Variants in MIPEP observed in about 807,000 individuals in gnomAD.
MIPEP encodes the protein mitochondrial intermediate peptidase.
In MIPEP, 79 loss-of-function variants were observed where a neutral mutation model predicts 90.3. That is an observed-to-expected ratio of 0.87 (90% CI 0.73 to 1.05). The LOEUF (loss-of-function observed/expected upper bound fraction) is 1.05. Among genes scored for constraint, MIPEP ranks in the 50% least tolerant of loss-of-function variants. MIPEP has a pLI of 0.00. For missense variants in MIPEP, 940 were observed against 905.6 expected (o/e 1.04, Z -0.49); for synonymous variants, 334 against 315.8 (o/e 1.06, Z -0.61).
Position 23,783,136 on chromosome 13 carries a change from G to T in MIPEP, c.1848+22814C>A, listed in dbSNP as rs372675129. Among the ~76,000 whole-genome samples the T allele has an allele frequency of 4.9e-4, 74 of 152,118 alleles. 1 individual carries two copies. Among genetic ancestry groups the T allele is most frequent in the African/African-American group, 1.4e-3 (57 of 41,484 alleles). ...CCAGCATCATCCTGATACCAAAGCC[G>T]GGCAGAGACACAACCGAAAAAGAGA... On this transcript the variant is annotated intron_variant, in intron 16 of 18. Transcript: ENST00000382172.
At chr13:23,802,330 T>G (rs1249648372) in intron 16 of MIPEP, among the ~76,000 whole-genome samples, 1 of 152,164 alleles carries the variant, frequency 6.6e-6, no homozygotes, top group African/African-American at 2.4e-5. Flanking sequence ...ATCCTAGCAC[T>G]TTGGGAGGTG....
chr13:23,883,521 C>A (rs1039430651), intron 2 of MIPEP, among the ~76,000 whole-genome samples: 2 of 152,112 alleles, frequency 1.3e-5, no homozygotes, highest in Non-Finnish European at 2.9e-5. Context: ...TTGCATATAA[C>A]CGACACACAG....
In MIPEP at chr13:23,889,254, C is replaced by G; in HGVS notation, c.67G>C (p.Gly23Arg). The change falls in exon 1 of 19, where the codon GGC becomes CGC. Residue 23 changes from glycine (G) to arginine (R), a missense_variant. Coordinates refer to ENST00000382172, the MANE Select transcript of MIPEP (RefSeq NM_005932.4). Reference sequence around the variant, plus strand: ...ATCCCGGCTTCGAGGCTTCCCCGGCCCGCCCGGCGGGGCGGCAGAGCTGCT... The same window carrying G: ...ATCCCGGCTTCGAGGCTTCCCCGGCGCGCCCGGCGGGGCGGCAGAGCTGCT... ...RAAALPPRRA[G>R]RGSLEAGIRA... The G allele has an allele frequency of 7.2e-7, 1 of 1,391,818 alleles. No homozygotes were observed. The allele number at this position is 1,391,818 out of a possible 1,614,324, so 86.2% of individuals were successfully genotyped here.
At chr13:23,849,947 C>T (rs1326196850) in intron 10 of MIPEP, among the ~76,000 whole-genome samples, 2 of 152,212 alleles carry the variant, frequency 1.3e-5, no homozygotes, top group African/African-American at 2.4e-5. Context: ...AAAACACAAT[C>T]AAGTACAGTC....
chr13:23,764,118 G>A (rs1268451740), intron 16 of MIPEP, among the ~76,000 whole-genome samples: 5 of 152,180 alleles, frequency 3.3e-5, no homozygotes, highest in African/African-American at 7.2e-5. Context: ...GATATTTAAC[G>A]TGTGGATCTG....
At chr13:23,841,795 T>C (rs1869310222) in intron 10 of MIPEP, among the ~76,000 whole-genome samples, 1 of 152,164 alleles carries the variant, frequency 6.6e-6, no homozygotes, top group African/African-American at 2.4e-5. Context: ...ACTGTATACA[T>C]TCCTTATACA....
At chr13:23,818,363 A>G (rs935147889) in intron 14 of MIPEP, among the ~76,000 whole-genome samples, 2 of 152,100 alleles carry the variant, frequency 1.3e-5, no homozygotes, top group Non-Finnish European at 2.9e-5. Context: ...GAGGTAGAGG[A>G]TGCAGTGTGA....
chr13:23,738,588 T>C (rs1446357513), intron 18 of MIPEP, among the ~76,000 whole-genome samples: 3 of 151,648 alleles, frequency 2.0e-5, no homozygotes, highest in African/African-American at 7.3e-5. Context: ...GCTGGGACTA[T>C]AGGAATGCAC....
At chr13:23,806,539 G>T (rs909533119) in intron 15 of MIPEP, among the ~76,000 whole-genome samples, 2 of 151,976 alleles carry the variant, frequency 1.3e-5, no homozygotes, top group East Asian at 1.9e-4. Context: ...TTAGACAGGC[G>T]TGGTGGCAGG....
At chr13:23,794,237 C>A (rs1236857455) in intron 16 of MIPEP, among the ~76,000 whole-genome samples, 1 of 152,140 alleles carries the variant, frequency 6.6e-6, no homozygotes, top group Non-Finnish European at 1.5e-5. Context: ...GTACCCCAGG[C>A]TGCCTCCAGA....
chr13:23,843,097 CAAA>C (rs397977292), intron 10 of MIPEP, among the ~76,000 whole-genome samples: 4 of 53,558 alleles, frequency 7.5e-5, no homozygotes, highest in Non-Finnish European at 1.2e-4. Flanking sequence ...CTCTCCATCT[CAAA>C]AAAAAAAAAA....
At chr13:23,788,974 C>G (rs1456007396) in intron 16 of MIPEP, among the ~76,000 whole-genome samples, 1 of 152,176 alleles carries the variant, frequency 6.6e-6, no homozygotes, top group Non-Finnish European at 1.5e-5. Context: ...ACATGCCCAG[C>G]TAAGTTTATT....
chr13:23,848,791 C>T (rs1869669652), intron 10 of MIPEP, among the ~76,000 whole-genome samples: 1 of 152,180 alleles, frequency 6.6e-6, no homozygotes, highest in Non-Finnish European at 1.5e-5. Flanking sequence ...GCTGCCTCAG[C>T]CATCCAGAGC....
At chr13:23,764,490 C>G (rs1952575353) in intron 16 of MIPEP, among the ~76,000 whole-genome samples, 1 of 152,210 alleles carries the variant, frequency 6.6e-6, no homozygotes, top group South Asian at 2.1e-4. Context: ...GGGGCTAGTG[C>G]AGAGCAAGCA....
intron 18 of MIPEP, among the ~76,000 whole-genome samples, chr13:23,746,774 A>G (rs1952388743): frequency 6.6e-6 from 1 of 152,216 alleles, no homozygotes; most frequent in Non-Finnish European, 1.5e-5. Context: ...GGTAGTATAC[A>G]CTGACATCAT....
chr13:23,836,764 T>C (rs187406983), intron 13 of MIPEP, among the ~76,000 whole-genome samples: 25 of 152,394 alleles, frequency 1.6e-4, no homozygotes, highest in Middle Eastern at 3.4e-3. Flanking sequence ...ATTTTATCCA[T>C]TTATTGCTTT....
At chr13:23,819,195 T>C (rs1038323809) in intron 14 of MIPEP, among the ~76,000 whole-genome samples, 4 of 152,172 alleles carry the variant, frequency 2.6e-5, no homozygotes, top group Non-Finnish European at 5.9e-5. Flanking sequence ...TGGGCCCCAG[T>C]AGACAAAACC....
chr13:23,859,409 T>A (rs1032091922), intron 9 of MIPEP, among the ~76,000 whole-genome samples: 1 of 152,180 alleles, frequency 6.6e-6, no homozygotes, highest in Non-Finnish European at 1.5e-5. Flanking sequence ...AAAGAAAATA[T>A]GTCATAAAGA....
At chr13:23,877,974 G>C (rs558609709) in intron 4 of MIPEP, among the ~76,000 whole-genome samples, 1 of 151,848 alleles carries the variant, frequency 6.6e-6, no homozygotes, top group Non-Finnish European at 1.5e-5. Context: ...ATCCCTATTG[G>C]CATTTTTAAT....
Sources: allele counts gnomAD v4.1 joint callset (sites outside exome capture counted in the v4.1 genomes callset), GRCh38; gene constraint gnomAD v4.1.1; transcripts MANE v1.5; gene names NCBI Gene and HGNC (gene_info 2026-07-23, HGNC 2026-07-21).